GOLIM4: variants seen among roughly 807,000 people sequenced by gnomAD.
The protein encoded by GOLIM4 is 130 kDa golgi-localized phosphoprotein.
GOLIM4 carries 71 observed loss-of-function variants against 107.4 expected under a neutral mutation model. The ratio of observed to expected loss-of-function variants is 0.66; its 90% confidence interval spans 0.55 to 0.81. GOLIM4 has a LOEUF of 0.81. Ranked by LOEUF, GOLIM4 falls within the 30% of genes least tolerant of loss-of-function variation. The pLI, the probability that GOLIM4 is intolerant of heterozygous loss-of-function variation, is 0.00. For missense variants in GOLIM4, 830 were observed against 826.1 expected, an observed-to-expected ratio of 1.00 and a Z score of -0.06; for synonymous variants, 327 against 294.8, an observed-to-expected ratio of 1.11 and a Z score of -1.12.
chr3:168,081,944 G>A (rs545041991), intron 1 of GOLIM4, among the ~76,000 whole-genome samples: 2 of 152,268 alleles, frequency 1.3e-5, no homozygotes. Context: ...AAGGGGAACA[G>A]CAGCAAACAC....
intron 3 of GOLIM4, 36 bp downstream of exon 3, chr3:168,046,914 A>G: frequency 8.8e-7 from 1 of 1,138,956 alleles, no homozygotes; most frequent in Non-Finnish European, 1.2e-6. Flanking sequence ...CAAATTAAGG[A>G]AAACAAACAA....
At chr3:168,041,005 A>G in intron 6 of GOLIM4, 136 bp from the exon 7 acceptor site, 1 of 623,298 alleles carries the variant, frequency 1.6e-6, no homozygotes, top group Non-Finnish European at 2.9e-6. Flanking sequence ...AAGTTTAAAA[A>G]TCATCGTAGA....
At chr3:168,094,498 A>G (rs1722060952) in intron 1 of GOLIM4, among the ~76,000 whole-genome samples, 1 of 152,242 alleles carries the variant, frequency 6.6e-6, no homozygotes, top group Admixed American at 6.5e-5. Context: ...CCACACATCC[A>G]GCATCTCTAA....
intron 1 of GOLIM4, among the ~76,000 whole-genome samples, chr3:168,094,718 T>A (rs1722074444): frequency 6.6e-6 from 1 of 152,192 alleles, no homozygotes. Context: ...ATACCTAGAA[T>A]CCACGGAACA....
rs1244682961 is a variant in GOLIM4 at position 168,027,711 on chromosome 3, G to C, written c.1623+17C>G. ...TATGAGTTTACATGTGTCAGGGGCA[G>C]AAGAGAGGATACTTACATCTGCCTC... On this transcript the variant is annotated intron_variant, in intron 12 of 15. Coordinates refer to ENST00000470487, the MANE Select transcript of GOLIM4 (RefSeq NM_014498.5). 6.9e-7 allele frequency: 1 copy of C among 1,451,558 alleles called. No individual in the cohort carries two copies. The highest frequency in any genetic ancestry group is 1.1e-5 in the South Asian group (1 of 87,804). The allele number at this position is 1,451,558 out of a possible 1,614,324, so 89.9% of individuals were successfully genotyped here. A position where few individuals can be genotyped will look rare whatever the true frequency, so the allele number is the denominator to read the frequency against.
In GOLIM4 at chr3:168,044,842, G is replaced by A. The variant is rs1257339938; in HGVS notation, c.352C>T (p.His118Tyr). 9.7e-6 allele frequency: 15 copies of A among 1,553,974 alleles called. No homozygotes were observed. Among genetic ancestry groups the A allele is most frequent in the Non-Finnish European group, 1.3e-5 (15 of 1,142,638 alleles). ...NSRYSALNVQ[H>Y]QMLKSQHEEL... ...AGATTACTCACTTTCAACATCTGAT[G>A]TTGGACATTCAGTGCACTGTATCTG... The change falls in exon 4 of 16, where the codon CAT becomes TAT. Residue 118 changes from histidine to tyrosine, a missense_variant. His to Tyr is a moderately conservative substitution (Grantham distance 83, BLOSUM62 2). Transcript: ENST00000470487.
intron 1 of GOLIM4, among the ~76,000 whole-genome samples, chr3:168,073,499 C>T (rs1720933386): frequency 6.6e-6 from 1 of 152,102 alleles, no homozygotes; most frequent in Non-Finnish European, 1.5e-5. Flanking sequence ...ATTTCAGGCA[C>T]TGTTTTAAGT....
intron 5 of GOLIM4, among the ~76,000 whole-genome samples, chr3:168,042,969 A>T (rs1417848678): frequency 2.0e-5 from 3 of 152,224 alleles, no homozygotes; most frequent in African/African-American, 7.2e-5. Flanking sequence ...GGCGATCAAC[A>T]GCAAGTCTCT....
intron 15 of GOLIM4, 31 bp from the exon 16 acceptor site, chr3:168,010,449 G>C (rs754747813): frequency 7.2e-7 from 1 of 1,395,236 alleles, no homozygotes; most frequent in Non-Finnish European, 1.0e-6. Context: ...GAAAAACTAA[G>C]AGATAGTATA....
At chr3:168,072,688 A>G (rs922985139) in intron 1 of GOLIM4, among the ~76,000 whole-genome samples, 9 of 152,310 alleles carry the variant, frequency 5.9e-5, no homozygotes, top group Admixed American at 5.9e-4. Flanking sequence ...CTTTTTATAT[A>G]TAATTTTATC....
chr3:168,054,248 G>T (rs144924210), intron 1 of GOLIM4, among the ~76,000 whole-genome samples: 2 of 152,192 alleles, frequency 1.3e-5, no homozygotes, highest in East Asian at 1.9e-4. Flanking sequence ...GGCCTGGGGG[G>T]GCAAAACCTC....
chr3:168,055,254 C>A (rs1017410047), intron 1 of GOLIM4, among the ~76,000 whole-genome samples: 3 of 152,176 alleles, frequency 2.0e-5, no homozygotes, highest in African/African-American at 7.2e-5. Context: ...CAGTTTGGAA[C>A]TCCCTAGAGA....
intron 1 of GOLIM4, among the ~76,000 whole-genome samples, chr3:168,054,299 G>A (rs1719814920): frequency 1.3e-5 from 2 of 152,128 alleles, no homozygotes; most frequent in Admixed American, 1.3e-4. Flanking sequence ...ACCCCACAAG[G>A]CCCTCACAGG....
chr3:168,020,521 C>T (rs1297847989), intron 14 of GOLIM4, among the ~76,000 whole-genome samples: 11 of 152,114 alleles, frequency 7.2e-5, no homozygotes, highest in Admixed American at 7.2e-4. Context: ...ACAAACTCTT[C>T]AAGGTGATCC....
chr3:168,010,550 A>G, intron 15 of GOLIM4, 132 bp from the exon 16 acceptor site: 1 of 757,924 alleles, frequency 1.3e-6, no homozygotes, highest in Non-Finnish European at 2.1e-6. Context: ...TATGTAAGCA[A>G]CAGTGCTGCT....
intron 14 of GOLIM4, among the ~76,000 whole-genome samples, chr3:168,022,069 T>TTAGTGCTTAGAAAGATAA: frequency 6.6e-6 from 1 of 152,188 alleles, no homozygotes; most frequent in African/African-American, 2.4e-5. Flanking sequence ...ATAACACTAC[T>TTAGTGCTTAGAAAGATAA]GCACTAAGAT....
At chr3:168,047,147 C>A in intron 2 of GOLIM4, 148 bp from the exon 3 acceptor site, 1 of 464,010 alleles carries the variant, frequency 2.2e-6, no homozygotes. Context: ...TTTATTTTGG[C>A]TCTCATTGCT....
At chr3:168,071,900 G>A (rs923604304) in intron 1 of GOLIM4, among the ~76,000 whole-genome samples, 4 of 152,138 alleles carry the variant, frequency 2.6e-5, no homozygotes, top group African/African-American at 9.7e-5. Context: ...AGGCTGAAAC[G>A]CCTGTGACGG....
At chr3:168,073,823 A>G (rs192474798) in intron 1 of GOLIM4, among the ~76,000 whole-genome samples, 127 of 152,230 alleles carry the variant, frequency 8.3e-4, no homozygotes, top group African/African-American at 2.9e-3. Flanking sequence ...CAGCTGTGAG[A>G]TCTCCAGGGA....
Sources: gnomAD v4.1 joint callset for allele counts (sites outside exome capture counted in the v4.1 genomes callset) on GRCh38, gnomAD v4.1.1 for gene constraint, MANE v1.5 for transcripts, NCBI Gene and HGNC (gene_info 2026-07-23, HGNC 2026-07-21) for gene names.